Variants in PPP2R2C observed in about 807,000 individuals in gnomAD.
PPP2R2C encodes the protein protein phosphatase 2, regulatory subunit B, gamma.
PPP2R2C carries 10 observed loss-of-function variants against 45.3 expected under a neutral mutation model. The observed-to-expected ratio is 0.22, with a 90% CI of 0.14 to 0.37. PPP2R2C has a LOEUF of 0.37. Among genes scored for constraint, PPP2R2C ranks in the 10% least tolerant of loss-of-function variants. The pLI is 1.00. For missense variants in PPP2R2C, 308 were observed against 619.7 expected (o/e 0.50, Z 5.34); for synonymous variants, 257 against 245.4 (o/e 1.05, Z -0.44).
chr4:6,392,830 G>T (rs1174040632), intron 1 of PPP2R2C, among the ~76,000 whole-genome samples: 1 of 152,200 alleles, frequency 6.6e-6, no homozygotes, highest in East Asian at 1.9e-4. Context: ...GGACCCTTCT[G>T]TGCCCAGCCC....
At chr4:6,513,750 T>C (rs11736449) in intron 2 of PPP2R2C, among the ~76,000 whole-genome samples, 65,007 of 151,984 alleles carry the variant, frequency 0.43, 14,481 homozygotes, top group East Asian at 0.74. Context: ...GAAAAGGGCG[T>C]GCACTGGGCC....
At position 6,328,114 on chromosome 4, in the gene PPP2R2C, T is replaced by C. The variant is rs917932347; in HGVS notation, c.1052+1148A>G. Among the ~76,000 whole-genome samples the C allele has an allele frequency of 3.3e-5, 5 of 152,044 alleles. No homozygotes were observed. The highest frequency in any genetic ancestry group is 7.4e-5 in the Non-Finnish European group (5 of 67,988). On this transcript the variant is annotated intron_variant, in intron 8 of 8. Transcript: ENST00000382599. This position sits in a 1 kb window ranked among gnomAD's most constrained non-coding sequence, Gnocchi z 4.4. ...GGTCTGGGAGAGCCCAGACCTGTCA[T>C]GTTGACTGATGCCATCCACAGGGTG... is the stretch of plus-strand genomic sequence containing the variant.
intron 1 of PPP2R2C, among the ~76,000 whole-genome samples, chr4:6,460,960 C>T (rs897470112): frequency 1.3e-5 from 2 of 152,136 alleles, no homozygotes; most frequent in Non-Finnish European, 2.9e-5. Context: ...CACTCCACCC[C>T]ACCCCACACA....
At chr4:6,356,862 C>T (rs4374690) in intron 5 of PPP2R2C, among the ~76,000 whole-genome samples, 6 of 149,336 alleles carry the variant, frequency 4.0e-5, no homozygotes, top group East Asian at 2.0e-4. Context: ...GCTGCAGCCA[C>T]CGGCATGAGA....
chr4:6,518,257 G>A (rs989704964), intron 2 of PPP2R2C, among the ~76,000 whole-genome samples: 8 of 151,998 alleles, frequency 5.3e-5, no homozygotes, highest in Non-Finnish European at 1.2e-4. Flanking sequence ...AGGAAAAGAA[G>A]AGCAAATTAA....
chr4:6,550,553 A>T (rs1262824250), intron 1 of PPP2R2C, among the ~76,000 whole-genome samples: 1 of 152,204 alleles, frequency 6.6e-6, no homozygotes, highest in Non-Finnish European at 1.5e-5. Flanking sequence ...TGGGAAGCAC[A>T]GACAGACCTG....
intron 1 of PPP2R2C, among the ~76,000 whole-genome samples, chr4:6,446,500 G>A (rs767320638): frequency 5.3e-5 from 8 of 152,110 alleles, no homozygotes; most frequent in Non-Finnish European, 8.8e-5. Flanking sequence ...TCTGTACAAC[G>A]GAGATGAATA....
chr4:6,389,628 C>A (rs559099613), intron 1 of PPP2R2C, among the ~76,000 whole-genome samples: 1 of 152,166 alleles, frequency 6.6e-6, no homozygotes, highest in Admixed American at 6.5e-5. Context: ...CCCCTCCTCA[C>A]GGAGTCCAGG....
chr4:6,379,253 G>C (rs1715593239), intron 2 of PPP2R2C, among the ~76,000 whole-genome samples: 1 of 152,138 alleles, frequency 6.6e-6, no homozygotes, highest in African/African-American at 2.4e-5. Context: ...AAAGACCCTT[G>C]ACCGTGGAGC....
intron 1 of PPP2R2C, among the ~76,000 whole-genome samples, chr4:6,395,938 G>C (rs1472680760): frequency 1.3e-5 from 2 of 152,312 alleles, no homozygotes; most frequent in African/African-American, 2.4e-5. Context: ...TGCAGGCACA[G>C]ATGTTCTGCT....
At chr4:6,390,940 G>A (rs1032162104) in intron 1 of PPP2R2C, among the ~76,000 whole-genome samples, 1 of 152,196 alleles carries the variant, frequency 6.6e-6, no homozygotes, top group Non-Finnish European at 1.5e-5. Flanking sequence ...GCCTGAACTT[G>A]GTGGAGATGG....
chr4:6,534,579 G>A (rs562420608), intron 2 of PPP2R2C, among the ~76,000 whole-genome samples: 8 of 149,718 alleles, frequency 5.3e-5, no homozygotes, highest in East Asian at 4.0e-4. Flanking sequence ...ACACATCAAC[G>A]CATACAACAC....
chr4:6,420,490 C>T (rs943120436), intron 1 of PPP2R2C, among the ~76,000 whole-genome samples: 4 of 152,146 alleles, frequency 2.6e-5, no homozygotes, highest in African/African-American at 9.7e-5. Context: ...GCCACACCCC[C>T]GCCTTGCGAG....
At chr4:6,540,607 G>A (rs879826309) in intron 1 of PPP2R2C, among the ~76,000 whole-genome samples, 2 of 152,182 alleles carry the variant, frequency 1.3e-5, no homozygotes, top group Non-Finnish European at 2.9e-5. Flanking sequence ...AGAATTGCTG[G>A]GTCATGAGAT....
chr4:6,501,533 A>T lies in PPP2R2C; in HGVS notation c.49+33738T>A, dbSNP rs1006635709. On this transcript the variant is annotated intron_variant, in intron 2 of 9. Coordinates refer to the PPP2R2C transcript ENST00000506140. ...AGGGAGGAGAATCTCATGGGCACTT[A>T]GAGGTTGATGCACATTAGCACCATT... Among the ~76,000 whole-genome samples, 30 of 152,204 alleles carry T rather than the reference A, an allele frequency of 2.0e-4. 1 individual carries two copies. The highest frequency in any genetic ancestry group is 7.0e-4 in the African/African-American group (29 of 41,456).
intron 1 of PPP2R2C, among the ~76,000 whole-genome samples, chr4:6,543,921 C>G (rs929843760): frequency 3.9e-5 from 6 of 152,216 alleles, no homozygotes; most frequent in Non-Finnish European, 7.3e-5. Context: ...GGAATCTCAT[C>G]TCTGACTTTC....
chr4:6,535,735 A>G (rs1286035878), intron 1 of PPP2R2C, among the ~76,000 whole-genome samples: 5 of 152,164 alleles, frequency 3.3e-5, no homozygotes, highest in African/African-American at 4.8e-5. Context: ...TAGGGACTCC[A>G]GGTCACTCCC....
chr4:6,498,670 G>A (rs948131091), intron 2 of PPP2R2C, among the ~76,000 whole-genome samples: 2 of 152,096 alleles, frequency 1.3e-5, no homozygotes, highest in Non-Finnish European at 2.9e-5. Flanking sequence ...GTCTATGCAC[G>A]GTGACGTTGG....
rs375904021 is a variant in PPP2R2C at position 6,523,913 on chromosome 4, G to A, written c.49+11358C>T. ...GGAGAAGGAATGAAGTTTTGTTTTT[G>A]TTTTTGTTTTTGTTTTTTTGAGACA... On this transcript the variant is annotated intron_variant, in intron 2 of 9. Transcript: ENST00000506140. Among the ~76,000 whole-genome samples, 6 of 152,140 alleles carry A rather than the reference G, an allele frequency of 3.9e-5. No homozygotes were observed. The East Asian group carries it at 1.2e-3, about 29-fold the overall frequency.
Sources: allele counts gnomAD v4.1 joint callset (sites outside exome capture counted in the v4.1 genomes callset), GRCh38; gene constraint gnomAD v4.1.1; non-coding constraint Gnocchi (gnomAD v3.1); transcripts MANE v1.5; gene names NCBI Gene and HGNC (gene_info 2026-07-23, HGNC 2026-07-21).